The following HSPA13 variants were observed in gnomAD, a reference collection of about 807,000 sequenced individuals.
HSPA13 encodes heat shock 70 kDa protein 13.
In HSPA13, 29 loss-of-function variants were observed where a neutral mutation model predicts 38.8. That is an observed-to-expected ratio of 0.75 (90% CI 0.56 to 1.02). The LOEUF (loss-of-function observed/expected upper bound fraction) is 1.02. Ranked by LOEUF, HSPA13 falls within the 50% of genes least tolerant of loss-of-function variation. The probability of loss-of-function intolerance (pLI) is 0.00; values close to 1 mark genes in which losing one functional copy is unlikely to be tolerated. For synonymous variants in HSPA13, 192 were observed against 205.3 expected, an observed-to-expected ratio of 0.94 and a Z score of 0.56; for missense variants, 451 against 560.9, an observed-to-expected ratio of 0.80 and a Z score of 1.98.
At chr21:14,380,023 AAAAACT>A (rs1984127558) in intron 2 of HSPA13, among the ~76,000 whole-genome samples, 1 of 152,042 alleles carries the variant, frequency 6.6e-6, no homozygotes, top group Non-Finnish European at 1.5e-5. Flanking sequence ...AAAAAAAAAC[AAAAACT>A]AATTCATTTA....
rs1417404575 is a variant in HSPA13, at chr21:14,378,548, CT to C, written c.367-137del. 4 of 617,894 alleles carry C rather than the reference CT, an allele frequency of 6.5e-6. No individual in the cohort carries two copies. The East Asian group carries it at 1.1e-4, about 17-fold the overall frequency. 38.3% of individuals were successfully genotyped at this position (617,894 alleles called of 1,614,324 possible). On this transcript the variant is annotated intron_variant, in intron 2 of 4. Transcript: ENST00000285667. ...ATCAAAAAATGCATTTGAAATCTAT[CT>C]AGTACATTTACCAAGATTAGAACTT...
intron 1 of HSPA13, among the ~76,000 whole-genome samples, chr21:14,382,728 C>G (rs1207937884): frequency 1.3e-5 from 2 of 152,164 alleles, no homozygotes; most frequent in Admixed American, 6.5e-5. Context: ...AGCTCCTCCC[C>G]CTTCCTCCAC....
chr21:14,381,323 A>C lies in HSPA13; in HGVS notation c.246T>G (p.Tyr82Ter). Reference sequence around the variant, plus strand: ...TTGAATCTGCCAGCTCTACGCTTTCATATCCCACATATACATCATTGTCAG... The same window carrying C: ...TTGAATCTGCCAGCTCTACGCTTTCCTATCCCACATATACATCATTGTCAG... ...SFTDNDVYVG[Y>*]ESVELADSNP... is the part of the protein sequence containing the mutation. The change falls in exon 2 of 5, where the codon TAT becomes TAG. Residue 82 changes from tyrosine (Y) to a stop codon, truncating the protein, a stop_gained. Transcript: ENST00000285667. LOFTEE classifies it high-confidence loss of function. The C allele has an allele frequency of 6.2e-7, 1 of 1,614,118 alleles. No homozygotes were observed. The highest frequency in any genetic ancestry group is 8.5e-7 in the Non-Finnish European group (1 of 1,180,010).
Position 14,374,118 on chromosome 21 carries a change from A to G in HSPA13, c.915T>C (p.Ala305=), listed in dbSNP as rs1016978763. The G allele has an allele frequency of 6.2e-7, 1 of 1,614,120 alleles. No individual in the cohort carries two copies. The highest frequency in any genetic ancestry group is 8.5e-7 in the Non-Finnish European group (1 of 1,180,032). ...VKLNLTLHQS[A]QLSVLLTVEE... is the part of the protein sequence containing the mutation. ...CCACCGTTAGTAATACTGACAACTG[A>G]GCAGATTGATGAAGAGTCAGATTTA... is the stretch of plus-strand genomic sequence containing the variant. The change falls in exon 5 of 5, where the codon GCT becomes GCC. Residue 305 remains alanine, a synonymous_variant. Transcript: ENST00000285667.
chr21:14,375,617 C>G, intron 4 of HSPA13, 35 bp downstream of exon 4: 5 of 1,594,650 alleles, frequency 3.1e-6, no homozygotes, highest in Non-Finnish European at 4.3e-6. Flanking sequence ...CAGGCGTGAG[C>G]CACTGCGCCC....
chr21:14,377,932 T>G (rs1050838172), intron 3 of HSPA13, among the ~76,000 whole-genome samples: 5 of 152,252 alleles, frequency 3.3e-5, no homozygotes, highest in African/African-American at 1.2e-4. Flanking sequence ...GGACTCAGAC[T>G]GGCTTCCTTG....
Position 14,381,525 on chromosome 21 carries a change from A to C in HSPA13, c.44T>G (p.Leu15Arg). The C allele has an allele frequency of 6.3e-7, 1 of 1,598,426 alleles. No individual in the cohort carries two copies. The highest frequency in any genetic ancestry group is 8.6e-7 in the Non-Finnish European group (1 of 1,167,724). Residue 15 changes from leucine (L) to arginine (R), a missense_variant, in exon 2 of 5, where the codon CTC (leucine) becomes CGC (arginine). By Grantham distance (102) the Leu-to-Arg change is moderately radical. Transcript: ENST00000285667. ...MTILGSAVLTLLLAGYLAQQY... is the reference protein window; with the variant it reads ...MTILGSAVLTRLLAGYLAQQY... Reference sequence around the variant, plus strand: ...TTGTGCCAAATAGCCGGCCAACAGGAGAGTCAAAACAGCCGATCCTGAAAT... The same window carrying C: ...TTGTGCCAAATAGCCGGCCAACAGGCGAGTCAAAACAGCCGATCCTGAAAT...
Position 14,375,820 on chromosome 21 carries a change from C to CT in HSPA13, c.581-2dup. On this transcript the variant is annotated splice_acceptor_variant, in intron 3 of 4. Coordinates refer to ENST00000285667, the MANE Select transcript of HSPA13 (RefSeq NM_006948.5). LOFTEE classifies it high-confidence loss of function. ...TTTATTACCCTCAAAATCTTCAGTCCTGTAAGATTGGTTAAGGGAAGAAAA... is the reference window on the plus strand; with the variant it reads ...TTTATTACCCTCAAAATCTTCAGTCCTTGTAAGATTGGTTAAGGGAAGAAAA... The CT allele has an allele frequency of 6.2e-7, 1 of 1,612,074 alleles. No homozygotes were observed.
rs1370394424 is a variant in HSPA13, at chr21:14,380,070, T to A, written c.366+1133A>T. On this transcript the variant is annotated intron_variant, in intron 2 of 4. Transcript: ENST00000285667. ...TCACTTCATTTAGAATTTCACTTCA[T>A]AACTTCCAAGAAAAACTCCACATGG... Among the ~76,000 whole-genome samples the A allele has an allele frequency of 3.3e-5, 5 of 150,722 alleles. No individual in the cohort carries two copies. The South Asian group carries it at 1.0e-3, about 31-fold the overall frequency.
chr21:14,380,986 C>A (rs1313378729), intron 2 of HSPA13, among the ~76,000 whole-genome samples: 2 of 152,084 alleles, frequency 1.3e-5, no homozygotes, highest in Admixed American at 6.5e-5. Flanking sequence ...GATGGGACAG[C>A]AAGAAAATGG....
At position 14,378,179 on chromosome 21, in the gene HSPA13, T is replaced by A; in HGVS notation, c.580+20A>T. On this transcript the variant is annotated intron_variant, in intron 3 of 4. Transcript: ENST00000285667. ...AACACAATTTTGAGAAAAATGCATCTCAGTCAAGGGTACTGTTACCTGCAA... is the reference window on the plus strand; with the variant it reads ...AACACAATTTTGAGAAAAATGCATCACAGTCAAGGGTACTGTTACCTGCAA... The A allele has an allele frequency of 6.3e-7, 1 of 1,587,918 alleles. No individual in the cohort carries two copies. Among genetic ancestry groups the A allele is most frequent in the Non-Finnish European group, 8.6e-7 (1 of 1,156,484 alleles).
In HSPA13 at chr21:14,373,584, C is replaced by G. The variant is rs1326878963; in HGVS notation, c.*33G>C. On this transcript the variant is annotated 3_prime_UTR_variant, in exon 5 of 5. Transcript: ENST00000285667. ...TGATAAATGGGAAGAGATCATCAGA[C>G]AAGTTCACAAATAACCATTATTTCT... 1.3e-6 allele frequency: 2 copies of G among 1,520,666 alleles called. No individual in the cohort carries two copies. Among genetic ancestry groups the G allele is most frequent in the Non-Finnish European group, 1.8e-6 (2 of 1,115,462 alleles). The allele number at this position is 1,520,666 out of a possible 1,614,324, so 94.2% of individuals were successfully genotyped here.
chr21:14,383,029 G>T, intron 1 of HSPA13, 66 bp downstream of exon 1: 2 of 1,568,796 alleles, frequency 1.3e-6, no homozygotes, highest in South Asian at 2.2e-5. Context: ...AACCACCCCT[G>T]CCCACTCTGG....
At position 14,373,905 on chromosome 21, in the gene HSPA13, G is replaced by T; in HGVS notation, c.1128C>A (p.Asp376Glu). 3 of 1,614,174 alleles carry T rather than the reference G, an allele frequency of 1.9e-6. No individual in the cohort carries two copies. The highest frequency in any genetic ancestry group is 2.5e-6 in the Non-Finnish European group (3 of 1,180,024). The change falls in exon 5 of 5, where the codon GAC (aspartate) becomes GAA (glutamate). Residue 376 changes from aspartate (D) to glutamate (E), a missense_variant. Physicochemically the swap from Asp to Glu is conservative, Grantham distance 45. Transcript: ENST00000285667. ...TGGGTACCAGTATTTTCTGAAAGAG[G>T]TCTTCATTAAGGGTATCAAAGAGTT... is the stretch of plus-strand genomic sequence containing the variant. ...SRKLFDTLNE[D>E]LFQKILVPIQ...
chr21:14,378,664 C>T (rs934378589), intron 2 of HSPA13, among the ~76,000 whole-genome samples: 1 of 151,194 alleles, frequency 6.6e-6, no homozygotes, highest in Non-Finnish European at 1.5e-5. Flanking sequence ...CTGTTGCCCA[C>T]GCTGGAGTGC....
intron 4 of HSPA13, among the ~76,000 whole-genome samples, chr21:14,375,012 A>G (rs888958297): frequency 6.6e-6 from 1 of 152,236 alleles, no homozygotes; most frequent in Non-Finnish European, 1.5e-5. Flanking sequence ...CCTGTAACTT[A>G]CAACTCAACG....
At chr21:14,382,682 C>T (rs949248309) in intron 1 of HSPA13, among the ~76,000 whole-genome samples, 8 of 152,132 alleles carry the variant, frequency 5.3e-5, no homozygotes, top group African/African-American at 1.9e-4. Context: ...AAAAAGCCTC[C>T]AAATTCAGCA....
rs764996393 is a variant in HSPA13 at position 14,371,422 on chromosome 21, A to G, written c.*2195T>C. The G allele has an allele frequency of 6.6e-6, 1 of 152,214 alleles. No homozygotes were observed. The highest frequency in any genetic ancestry group is 1.5e-5 in the Non-Finnish European group (1 of 67,986). The allele number at this position is 152,214 out of a possible 1,614,324, so 9.4% of individuals were successfully genotyped here. A position where few individuals can be genotyped will look rare whatever the true frequency, so the allele number is the denominator to read the frequency against. Reference sequence around the variant, plus strand: ...GTTTATTAATTTTTTTTATGAAAAGACTTCAGATTGTTATTCATAAATGAT... The same window carrying G: ...GTTTATTAATTTTTTTTATGAAAAGGCTTCAGATTGTTATTCATAAATGAT... On this transcript the variant is annotated 3_prime_UTR_variant, in exon 5 of 5. Coordinates refer to ENST00000285667, the MANE Select transcript of HSPA13 (RefSeq NM_006948.5).
intron 3 of HSPA13, among the ~76,000 whole-genome samples, chr21:14,376,385 C>T (rs1984028637): frequency 6.6e-6 from 1 of 151,976 alleles, no homozygotes. Context: ...TGTACTCCAG[C>T]CTGGGCAGCA....
Sources: gnomAD v4.1 joint callset for allele counts (sites outside exome capture counted in the v4.1 genomes callset) on GRCh38, gnomAD v4.1.1 for gene constraint, MANE v1.5 for transcripts, NCBI Gene and HGNC (gene_info 2026-07-23, HGNC 2026-07-21) for gene names.